Variants in ATP6V0A1 observed in about 807,000 individuals in gnomAD.
The protein encoded by ATP6V0A1 is V-type proton ATPase 116 kDa subunit a 1.
A neutral mutation model predicts 105.4 loss-of-function variants in ATP6V0A1; 43 were observed. The observed-to-expected ratio is 0.41, with a 90% CI of 0.32 to 0.53. ATP6V0A1 has a LOEUF of 0.53. ATP6V0A1 is among the 20% of genes least tolerant of loss of function. The probability of loss-of-function intolerance (pLI) is 0.30; values close to 1 mark genes in which losing one functional copy is unlikely to be tolerated. For synonymous variants in ATP6V0A1, 362 were observed against 372.8 expected (o/e 0.97, Z 0.33); for missense variants, 676 against 1,051.1 (o/e 0.64, Z 4.93).
At position 42,490,496 on chromosome 17, in the gene ATP6V0A1, G is replaced by A. The variant is rs775661172; in HGVS notation, c.1033G>A (p.Gly345Ser). Reference protein sequence around the residue: ...FALRRGTEHSGSTVPSILNRM... With the variant: ...FALRRGTEHSSSTVPSILNRM... Reference sequence around the variant, plus strand: ...TGCTAATGTTTTTCAGGAACACAGTGGTTCCACTGTACCTTCCATTTTGAA... The same window carrying A: ...TGCTAATGTTTTTCAGGAACACAGTAGTTCCACTGTACCTTCCATTTTGAA... Residue 345 changes from glycine (G) to serine (S), a missense_variant, in exon 11 of 22, where the codon GGT (glycine) becomes AGT (serine). Transcript: ENST00000343619. 1.3e-6 allele frequency: 2 copies of A among 1,597,488 alleles called. No individual in the cohort carries two copies. The highest frequency in any genetic ancestry group is 2.3e-5 in the South Asian group (2 of 87,100).
Position 42,466,480 on chromosome 17 carries a change from A to C in ATP6V0A1, c.169A>C (p.Arg57=). The change falls in exon 3 of 22, where the codon AGA becomes CGA. Residue 57 remains arginine, a synonymous_variant. Transcript: ENST00000343619. ...FQRKFVNEVR[R]CEEMDRKLRF... is the part of the protein sequence containing the mutation. ...ACGGAAATTTGTGAATGAAGTTAGA[A>C]GATGTGAAGAAATGGATCGAAAGCT... 4.3e-6 allele frequency: 7 copies of C among 1,613,232 alleles called. No individual in the cohort carries two copies. Among genetic ancestry groups the C allele is most frequent in the Non-Finnish European group, 4.2e-6 (5 of 1,179,296 alleles).
At chr17:42,482,807 G>T (rs2089682707) in intron 8 of ATP6V0A1, among the ~76,000 whole-genome samples, 1 of 146,964 alleles carries the variant, frequency 6.8e-6, no homozygotes, top group South Asian at 2.1e-4. Context: ...TGAGGCAGAA[G>T]AATCACTTGA....
chr17:42,497,013 A>G (rs2091245381), intron 14 of ATP6V0A1, among the ~76,000 whole-genome samples: 1 of 151,804 alleles, frequency 6.6e-6, no homozygotes, highest in Non-Finnish European at 1.5e-5. Context: ...TACAATCATA[A>G]TGTATAAGCC....
chr17:42,465,658 T>C (rs1010023520), intron 2 of ATP6V0A1, among the ~76,000 whole-genome samples: 1 of 151,896 alleles, frequency 6.6e-6, no homozygotes, highest in Non-Finnish European at 1.5e-5. Context: ...ACATCTGTCA[T>C]ATTGCTTTGA....
chr17:42,470,293 G>A (rs761220347), intron 5 of ATP6V0A1, 75 bp downstream of exon 5: 21 of 1,533,620 alleles, frequency 1.4e-5, no homozygotes, highest in Middle Eastern at 2.3e-4. Flanking sequence ...TTTTATTCCA[G>A]TAATTATTTT....
chr17:42,496,135 T>C (rs2091157962), intron 14 of ATP6V0A1: 1 of 165,840 alleles, frequency 6.0e-6, no homozygotes, highest in African/African-American at 2.4e-5. Context: ...GTTGACATAT[T>C]TTTGGGAAAC....
At chr17:42,470,915 G>A (rs1325902930) in intron 5 of ATP6V0A1, 1 of 152,180 alleles carries the variant, frequency 6.6e-6, no homozygotes, top group African/African-American at 2.4e-5. Flanking sequence ...CTGAGGTCAG[G>A]AGTTCGAGAT....
chr17:42,507,947 A>G (rs1420987214), intron 18 of ATP6V0A1, among the ~76,000 whole-genome samples: 1 of 152,136 alleles, frequency 6.6e-6, no homozygotes, highest in East Asian at 1.9e-4. Flanking sequence ...CCCAGCTCTT[A>G]TGACCTGAAA....
chr17:42,505,155 C>T (rs1197315838), intron 17 of ATP6V0A1, among the ~76,000 whole-genome samples: 1 of 152,024 alleles, frequency 6.6e-6, no homozygotes, highest in Non-Finnish European at 1.5e-5. Flanking sequence ...CCTGCCTCAG[C>T]CTCATGAGTA....
At chr17:42,501,166 G>C (rs766434588) in intron 16 of ATP6V0A1, 31 bp from the exon 17 acceptor site, 28 of 1,554,380 alleles carry the variant, frequency 1.8e-5, no homozygotes, top group Non-Finnish European at 2.4e-5. Flanking sequence ...ACTTTTATAT[G>C]ATGTACCTTG....
At chr17:42,476,690 G>GACCTT (rs2088797518) in intron 5 of ATP6V0A1, among the ~76,000 whole-genome samples, 1 of 152,114 alleles carries the variant, frequency 6.6e-6, no homozygotes, top group Non-Finnish European at 1.5e-5. Context: ...AGGAAATGTA[G>GACCTT]ACCTGCGTGT....
intron 21 of ATP6V0A1, chr17:42,518,677 C>G (rs1370915239): frequency 6.6e-6 from 1 of 152,276 alleles, no homozygotes; most frequent in Non-Finnish European, 1.5e-5. Flanking sequence ...ACCAGGTGGC[C>G]TTTGCCAAGT....
rs372593167 is a variant in ATP6V0A1 at position 42,470,252 on chromosome 17, C to T, written c.423+34C>T. 6 of 1,606,688 alleles carry T rather than the reference C, an allele frequency of 3.7e-6. No homozygotes were observed. In the African/African-American group the frequency reaches 8.0e-5, roughly 22 times the overall value. On this transcript the variant is annotated intron_variant, in intron 5 of 21. Coordinates refer to ENST00000343619, the MANE Select transcript of ATP6V0A1 (RefSeq NM_001130021.3). ...ATTGTTTCTTTTAGTATTTGAGCAG[C>T]TGATATTATACTCACACAAGTGGGC...
chr17:42,492,059 G>A lies in ATP6V0A1; in HGVS notation c.1174+1422G>A, dbSNP rs185034734. Reference sequence around the variant, plus strand: ...AACATGTTGACACCTCAGATCTTGTGTACTCCCTGTGAAGAGGTGCTCATT... The same window carrying A: ...AACATGTTGACACCTCAGATCTTGTATACTCCCTGTGAAGAGGTGCTCATT... On this transcript the variant is annotated intron_variant, in intron 11 of 21. Coordinates refer to ENST00000343619, the MANE Select transcript of ATP6V0A1 (RefSeq NM_001130021.3). 1.5e-4 allele frequency among the ~76,000 whole-genome samples: 23 copies of A among 152,282 alleles called. No homozygotes were observed. The East Asian group carries it at 3.9e-3, about 26-fold the overall frequency.
At position 42,487,357 on chromosome 17, in the gene ATP6V0A1, G is replaced by C; in HGVS notation, c.1013G>C (p.Arg338Thr). Residue 338 changes from arginine to threonine, a missense_variant, in exon 10 of 22, where the codon AGA (arginine) becomes ACA (threonine). This residue lies in a region of ATP6V0A1 where 435 missense variants were observed against 642.2 expected (regional missense o/e 0.68). Coordinates refer to ENST00000343619, the MANE Select transcript of ATP6V0A1 (RefSeq NM_001130021.3). ...TDLDSIQFAL[R>T]RGTEHSGSTV... ...CTTGACTCCATCCAGTTTGCACTCA[G>C]AAGGGGCACGGTGAGTCCCCAAAGC... 1 of 1,613,802 alleles carries C rather than the reference G, an allele frequency of 6.2e-7. No individual in the cohort carries two copies. The highest frequency in any genetic ancestry group is 1.1e-5 in the South Asian group (1 of 91,044).
intron 2 of ATP6V0A1, among the ~76,000 whole-genome samples, chr17:42,464,265 C>T (rs1300296508): frequency 6.6e-6 from 1 of 152,152 alleles, no homozygotes; most frequent in Non-Finnish European, 1.5e-5. Flanking sequence ...TTCTGTAGAG[C>T]TGAAGACTGG....
At chr17:42,490,394 C>T in intron 10 of ATP6V0A1, 93 bp from the exon 11 acceptor site, 14 of 1,100,618 alleles carry the variant, frequency 1.3e-5, no homozygotes, top group Admixed American at 6.0e-5. Flanking sequence ...TTATGTGTAC[C>T]ATTTGATGAG....
In ATP6V0A1 at chr17:42,500,882, T is replaced by C. The variant is rs2091612883; in HGVS notation, c.1855T>C (p.Ser619Pro). ...LIHFINMFLF[S>P]YPESGYSMLY... ...CCATTTCATAAACATGTTCCTCTTT[T>C]CCTACCCAGAGTCTGGTTATTCAAT... Residue 619 changes from serine to proline, a missense_variant, in exon 16 of 22, where the codon TCC becomes CCC. Ser to Pro is a moderately conservative substitution (Grantham distance 74). Transcript: ENST00000343619. 7 of 1,614,150 alleles carry C rather than the reference T, an allele frequency of 4.3e-6. No homozygotes were observed. Among genetic ancestry groups the C allele is most frequent in the Non-Finnish European group, 5.1e-6 (6 of 1,179,998 alleles).
intron 17 of ATP6V0A1, among the ~76,000 whole-genome samples, chr17:42,504,029 A>G (rs762054751): frequency 2.0e-5 from 3 of 152,150 alleles, no homozygotes; most frequent in African/African-American, 4.8e-5. Context: ...AAGTCTTGCG[A>G]CTTCTTCTGT....
Sources: allele counts gnomAD v4.1 joint callset (sites outside exome capture counted in the v4.1 genomes callset), GRCh38; gene constraint gnomAD v4.1.1; regional missense constraint gnomAD v4.1.1; transcripts MANE v1.5; gene names NCBI Gene and HGNC (gene_info 2026-07-23, HGNC 2026-07-21).